The following CLCN3 variants were observed in gnomAD, a reference collection of about 807,000 sequenced individuals.
CLCN3 encodes the protein Cl-/H+ antiporter 3.
CLCN3 carries 16 observed loss-of-function variants against 83.4 expected under a neutral mutation model. That is an observed-to-expected ratio of 0.19 (90% confidence interval 0.13 to 0.29). The LOEUF is 0.29. CLCN3 is among the 10% of genes least tolerant of loss of function. The pLI, the probability that CLCN3 is intolerant of heterozygous loss-of-function variation, is 1.00. For missense variants in CLCN3, 544 were observed against 1,006.0 expected (o/e 0.54, Z 6.21); for synonymous variants, 322 against 346.2 (o/e 0.93, Z 0.78).
At chr4:169,624,147 T>A (rs1773173009) in intron 1 of CLCN3, among the ~76,000 whole-genome samples, 1 of 152,230 alleles carries the variant, frequency 6.6e-6, no homozygotes, top group African/African-American at 2.4e-5. Flanking sequence ...AGTGACTTTT[T>A]TTTTGAGATA....
At chr4:169,717,837 C>T (rs763128759) in intron 12 of CLCN3, 9 of 1,612,934 alleles carry the variant, frequency 5.6e-6, no homozygotes, top group East Asian at 2.2e-5. Flanking sequence ...TAGAGCATCT[C>T]GAGCAACTAA....
intron 2 of CLCN3, among the ~76,000 whole-genome samples, chr4:169,650,757 C>T (rs1319734405): frequency 1.3e-5 from 2 of 152,164 alleles, no homozygotes. Context: ...ATACATTTGA[C>T]ACTTCACATT....
chr4:169,684,893 T>C (rs1732094258), intron 3 of CLCN3, among the ~76,000 whole-genome samples: 1 of 151,806 alleles, frequency 6.6e-6, no homozygotes, highest in Admixed American at 6.6e-5. Context: ...TCCAACAATA[T>C]GCCTACTGAA....
intron 2 of CLCN3, among the ~76,000 whole-genome samples, chr4:169,638,409 A>G (rs932017311): frequency 2.0e-5 from 3 of 152,162 alleles, no homozygotes; most frequent in African/African-American, 7.2e-5. Flanking sequence ...TGACACTTCA[A>G]GTTCTGGCTC....
intron 2 of CLCN3, among the ~76,000 whole-genome samples, chr4:169,656,430 T>C (rs748942502): frequency 6.6e-6 from 1 of 152,138 alleles, no homozygotes; most frequent in African/African-American, 2.4e-5. Context: ...TACTCTATAA[T>C]GAGATAGCAC....
intron 4 of CLCN3, among the ~76,000 whole-genome samples, chr4:169,688,640 A>G (rs906878299): frequency 2.6e-5 from 4 of 152,162 alleles, no homozygotes; most frequent in Non-Finnish European, 5.9e-5. Context: ...TATTATTCCT[A>G]TGAGTTTCAA....
In CLCN3 at chr4:169,631,489, C is replaced by T. The variant is rs186502391; in HGVS notation, c.-16-4424C>T. Among the ~76,000 whole-genome samples the T allele has an allele frequency of 4.1e-3, 630 of 152,172 alleles. 4 individuals carry two copies. The highest frequency in any genetic ancestry group is 0.014 in the African/African-American group (593 of 41,510). The stretch of plus-strand genomic sequence containing the variant: ...ATTTTTAGTAGAGACGGGGTTTCAC[C>T]ATGTTAGCCAGGATGGTCTTGATCT... On this transcript the variant is annotated intron_variant, in intron 1 of 12. Transcript: ENST00000513761.
intron 2 of CLCN3, among the ~76,000 whole-genome samples, chr4:169,668,043 A>ATTTTTTTTTTTTTTTTTTTTTTTTT: frequency 1.2e-5 from 1 of 82,344 alleles, no homozygotes; most frequent in Admixed American, 1.3e-4. Flanking sequence ...CCGGCCAGAC[A>ATTTTTTTTTTTTTTTTTTTTTTTTT]TTTTTTTTTT....
intron 11 of CLCN3, among the ~76,000 whole-genome samples, chr4:169,710,282 T>G (rs987617075): frequency 6.6e-6 from 1 of 152,170 alleles, no homozygotes; most frequent in African/African-American, 2.4e-5. Flanking sequence ...TTTATTTTTT[T>G]GAGACAGCAT....
chr4:169,660,054 C>G (rs189350554), intron 2 of CLCN3: 5 of 1,009,810 alleles, frequency 5.0e-6, no homozygotes, highest in Admixed American at 1.2e-4. Context: ...TTTCAAAATT[C>G]TCAAACCAGT....
chr4:169,704,076 C>T lies in CLCN3; in HGVS notation c.1642C>T (p.Leu548Phe). The change falls in exon 10 of 13, where the codon CTT becomes TTT. Residue 548 changes from leucine to phenylalanine, a missense_variant. By Grantham distance (22) the Leu-to-Phe change is conservative (BLOSUM62 0). Around this residue, in one of 6 missense-constraint regions of CLCN3, gnomAD observed 194 missense variants for 341.4 expected, o/e 0.57. Transcript: ENST00000513761. Reference protein sequence around the residue: ...GRIVGIAVEQLAYYHHDWFIF... With the variant: ...GRIVGIAVEQFAYYHHDWFIF... ...GATTGTGGGGATTGCGGTGGAGCAG[C>T]TTGCCTACTATCACCACGACTGGTT... 6.2e-7 allele frequency: 1 copy of T among 1,614,068 alleles called. No individual in the cohort carries two copies. Among genetic ancestry groups the T allele is most frequent in the Non-Finnish European group, 8.5e-7 (1 of 1,179,996 alleles).
chr4:169,687,887 C>G, intron 4 of CLCN3, 130 bp downstream of exon 4: 2 of 538,212 alleles, frequency 3.7e-6, no homozygotes, highest in South Asian at 5.7e-5. Flanking sequence ...TTCAAAAAAT[C>G]TCCTTAAATA....
intron 1 of CLCN3, among the ~76,000 whole-genome samples, chr4:169,632,548 T>C (rs1478075154): frequency 6.6e-6 from 1 of 151,768 alleles, no homozygotes; most frequent in Non-Finnish European, 1.5e-5. Flanking sequence ...AAACCCCGTC[T>C]CTACTAAAAA....
At chr4:169,676,369 C>A (rs1461271984) in intron 2 of CLCN3, among the ~76,000 whole-genome samples, 2 of 152,026 alleles carry the variant, frequency 1.3e-5, no homozygotes, top group African/African-American at 2.4e-5. Flanking sequence ...GACATAGAAC[C>A]CTTATATTTT....
chr4:169,699,661 A>G (rs62346178), intron 9 of CLCN3, among the ~76,000 whole-genome samples: 17,129 of 152,170 alleles, frequency 0.11, 1,061 homozygotes, highest in East Asian at 0.17. Context: ...AGGCGGGCAG[A>G]TCACAATGTC....
At chr4:169,659,945 A>T in intron 2 of CLCN3, 2 of 624,350 alleles carry the variant, frequency 3.2e-6, no homozygotes, top group South Asian at 7.1e-5. Flanking sequence ...TCTCTGTATT[A>T]CTTTTTCCCC....
At chr4:169,690,881 A>G (rs1335324000) in intron 6 of CLCN3, among the ~76,000 whole-genome samples, 1 of 152,072 alleles carries the variant, frequency 6.6e-6, no homozygotes, top group Admixed American at 6.6e-5. Flanking sequence ...TCTCACCACT[A>G]ATTTAACACA....
chr4:169,645,499 C>G (rs1730549357), intron 2 of CLCN3, among the ~76,000 whole-genome samples: 1 of 152,154 alleles, frequency 6.6e-6, no homozygotes, highest in Non-Finnish European at 1.5e-5. Context: ...AATTAGAAAA[C>G]TGAATTTAAA....
chr4:169,666,846 A>G (rs1475211340), intron 2 of CLCN3, among the ~76,000 whole-genome samples: 4 of 152,194 alleles, frequency 2.6e-5, no homozygotes, highest in African/African-American at 9.7e-5. Flanking sequence ...AGATAATAAT[A>G]TCTGTCACAT....
Sources: allele counts gnomAD v4.1 joint callset (sites outside exome capture counted in the v4.1 genomes callset), GRCh38; gene constraint gnomAD v4.1.1; regional missense constraint gnomAD v4.1.1; transcripts MANE v1.5; gene names NCBI Gene and HGNC (gene_info 2026-07-23, HGNC 2026-07-21).